The following C13orf46 variants were observed in gnomAD, a reference collection of about 807,000 sequenced individuals.
The protein encoded by C13orf46 is chromosome 13 open reading frame 46, also known as uncharacterized protein C13orf46.
the C13orf46 span, among the ~76,000 whole-genome samples, chr13:113,929,798 T>A: frequency 6.6e-6 from 1 of 152,106 alleles, no homozygotes; most frequent in Non-Finnish European, 1.5e-5. Flanking sequence ...TCCCGGAGCA[T>A]CCCGTGAGTT....
chr13:113,937,295 C>A, the C13orf46 span, among the ~76,000 whole-genome samples: 2 of 152,192 alleles, frequency 1.3e-5, no homozygotes, highest in East Asian at 1.9e-4. Context: ...ACCGTGGTCA[C>A]GCCACAGCCA....
At chr13:113,964,413 G>A (rs1171003521) in intron 6 of C13orf46, among the ~76,000 whole-genome samples, 1 of 152,146 alleles carries the variant, frequency 6.6e-6, no homozygotes, top group Non-Finnish European at 1.5e-5. Context: ...TCCAGCCTGG[G>A]GACACGGATC....
intron 6 of C13orf46, among the ~76,000 whole-genome samples, chr13:113,963,815 C>T (rs935102630): frequency 4.6e-5 from 7 of 152,314 alleles, no homozygotes; most frequent in Admixed American, 1.3e-4. Context: ...ACATAATTCC[C>T]GTTATTGTAA....
chr13:113,962,011 T>C (rs1169140414), intron 6 of C13orf46, among the ~76,000 whole-genome samples: 3 of 152,246 alleles, frequency 2.0e-5, no homozygotes, highest in Non-Finnish European at 4.4e-5. Context: ...CTCTGCGTGA[T>C]CTGTGGTTTC....
At chr13:113,963,246 GCCC>G (rs2052602862) in intron 6 of C13orf46, among the ~76,000 whole-genome samples, 1 of 99,456 alleles carries the variant, frequency 1.0e-5, no homozygotes, top group African/African-American at 3.5e-5. Flanking sequence ...CCTCAGCCTC[GCCC>G]CTGTCCTCAG....
At chr13:113,946,352 A>G in the C13orf46 span, among the ~76,000 whole-genome samples, 93,398 of 152,090 alleles carry the variant, frequency 0.61, 29,102 homozygotes, top group East Asian at 0.87. Context: ...GTTTCCCAGG[A>G]CCCTCGGGGG....
At position 113,956,201 on chromosome 13, in the gene C13orf46, G is replaced by C. The variant is rs1312841707; in HGVS notation, c.*572C>G. On this transcript the variant is annotated 3_prime_UTR_variant, in exon 7 of 7. Coordinates refer to ENST00000636427, the MANE Select transcript of C13orf46 (RefSeq NM_001365455.2). ...ACAAGGAGCATCCGGTGGAGACGAG[G>C]AGCACCCGGTGGAGACGAGGAGCAT... is the stretch of plus-strand genomic sequence containing the variant. 1 of 155,544 alleles carries C rather than the reference G, an allele frequency of 6.4e-6. No individual in the cohort carries two copies. Among genetic ancestry groups the C allele is most frequent in the Non-Finnish European group, 1.4e-5 (1 of 70,878 alleles). 9.6% of individuals were successfully genotyped at this position (155,544 alleles called of 1,614,324 possible). A position where few individuals can be genotyped will look rare whatever the true frequency, so the allele number is the denominator to read the frequency against.
At chr13:113,936,987 G>A in the C13orf46 span, among the ~76,000 whole-genome samples, 771 of 152,248 alleles carry the variant, frequency 5.1e-3, 2 homozygotes, top group African/African-American at 0.017. Context: ...GGCTCCTCTC[G>A]TCCTCGTAGC....
rs1292723009 is a variant in C13orf46, at chr13:113,956,419, A to C, written c.*354T>G. 7.2e-6 allele frequency: 1 copy of C among 139,214 alleles called. No homozygotes were observed. The highest frequency in any genetic ancestry group is 2.8e-5 in the African/African-American group (1 of 36,240). 8.6% of individuals were successfully genotyped at this position (139,214 alleles called of 1,614,324 possible). ...TGGAGAGGAGGAGCATCTGGTGGAG[A>C]GGAGGAGCATCTTCCCGTGCTTGTT... On this transcript the variant is annotated 3_prime_UTR_variant, in exon 7 of 7. Coordinates refer to ENST00000636427, the MANE Select transcript of C13orf46 (RefSeq NM_001365455.2).
chr13:113,930,226 A>G, the C13orf46 span, among the ~76,000 whole-genome samples: 1 of 152,316 alleles, frequency 6.6e-6, no homozygotes, highest in Admixed American at 6.5e-5. Flanking sequence ...CTTCTCTCCT[A>G]CAAGCCCATC....
intron 6 of C13orf46, among the ~76,000 whole-genome samples, chr13:113,962,751 A>G (rs1203537040): frequency 2.0e-5 from 3 of 152,168 alleles, no homozygotes; most frequent in Non-Finnish European, 2.9e-5. Flanking sequence ...TCGACCCAGG[A>G]TTGTCCAGCT....
At chr13:113,932,256 G>A in the C13orf46 span, among the ~76,000 whole-genome samples, 7 of 152,354 alleles carry the variant, frequency 4.6e-5, no homozygotes, top group African/African-American at 1.7e-4. Flanking sequence ...TCCCAGAACA[G>A]ACATGTCTGG....
downstream of C13orf46, among the ~76,000 whole-genome samples, chr13:113,950,971 C>T (rs1447628932): frequency 6.6e-6 from 1 of 152,172 alleles, no homozygotes; most frequent in Non-Finnish European, 1.5e-5. Context: ...CAGAGGAACT[C>T]GGGATGTCCA....
chr13:113,940,129 C>A, the C13orf46 span, among the ~76,000 whole-genome samples: 1 of 152,254 alleles, frequency 6.6e-6, no homozygotes, highest in Non-Finnish European at 1.5e-5. Flanking sequence ...GGGGCGGGGG[C>A]TGCGCCTCGG....
chr13:113,968,943 C>G (rs956474148), intron 2 of C13orf46, among the ~76,000 whole-genome samples, 183 bp from the exon 3 acceptor site: 1 of 152,234 alleles, frequency 6.6e-6, no homozygotes, highest in Non-Finnish European at 1.5e-5. Context: ...GCCTGGCCCT[C>G]CTGGCTCCCT....
the C13orf46 span, among the ~76,000 whole-genome samples, chr13:113,929,096 C>G: frequency 6.6e-6 from 1 of 152,240 alleles, no homozygotes; most frequent in African/African-American, 2.4e-5. Flanking sequence ...GGGCCCCTGC[C>G]CTGCGGTCTG....
chr13:113,953,176 G>A (rs1249639489), downstream of C13orf46, among the ~76,000 whole-genome samples: 1 of 152,210 alleles, frequency 6.6e-6, no homozygotes, highest in Non-Finnish European at 1.5e-5. Context: ...GCTGCTGAGT[G>A]CCCTGAACAG....
downstream of C13orf46, chr13:113,953,656 AC>A (rs2052498789): frequency 6.6e-6 from 1 of 152,250 alleles, no homozygotes; most frequent in African/African-American, 2.4e-5. Flanking sequence ...CCGCCAGCAT[AC>A]CCAGAATGAG....
chr13:113,943,684 G>T, the C13orf46 span, among the ~76,000 whole-genome samples: 4 of 152,218 alleles, frequency 2.6e-5, no homozygotes, highest in Non-Finnish European at 5.9e-5. Context: ...TGAGGACGAG[G>T]TCCACTCAGA....
Sources: gnomAD v4.1 joint callset for allele counts (sites outside exome capture counted in the v4.1 genomes callset) on GRCh38, gnomAD v4.1.1 for gene constraint, MANE v1.5 for transcripts, NCBI Gene and HGNC (gene_info 2026-07-23, HGNC 2026-07-21) for gene names.